Variants in PTPRD observed in about 807,000 individuals in gnomAD.
PTPRD encodes the protein receptor-type tyrosine-protein phosphatase delta.
In PTPRD, 34 loss-of-function variants were observed where a neutral mutation model predicts 214.5. The observed-to-expected ratio is 0.16, with a 90% CI of 0.12 to 0.21. The LOEUF (loss-of-function observed/expected upper bound fraction) is 0.21, where lower values mean the gene tolerates loss of function less well. Among genes scored for constraint, PTPRD ranks in the 10% least tolerant of loss-of-function variants. The pLI, the probability that PTPRD is intolerant of heterozygous loss-of-function variation, is 1.00. For missense variants in PTPRD, 2,545 were observed against 2,398.7 expected, an observed-to-expected ratio of 1.06 and a Z score of -1.27; for synonymous variants, 1,128 against 845.7, an observed-to-expected ratio of 1.33 and a Z score of -5.79.
Position 9,712,857 on chromosome 9 carries a change from G to C in PTPRD, c.-287+21676C>G, listed in dbSNP as rs529083735. ...GAGAAAAAACTATTTTATGGTATTT[G>C]TTTTTAATAGGTTATGTTATTGCTA... On this transcript the variant is annotated intron_variant, in intron 7 of 45. Coordinates refer to ENST00000381196, the MANE Select transcript of PTPRD (RefSeq NM_002839.4). Among the ~76,000 whole-genome samples, 3 of 152,140 alleles carry C rather than the reference G, an allele frequency of 2.0e-5. No homozygotes were observed. In the South Asian group the frequency reaches 6.2e-4, roughly 32 times the overall value.
chr9:8,404,923 C>T (rs1261336259), intron 35 of PTPRD, among the ~76,000 whole-genome samples: 4 of 152,140 alleles, frequency 2.6e-5, no homozygotes, highest in Non-Finnish European at 5.9e-5. Context: ...ATTGGAAAGG[C>T]AGGTTCTTAA....
Position 10,199,548 on chromosome 9 carries a change from G to T in PTPRD, c.-545+141415C>A, listed in dbSNP as rs753550765. On this transcript the variant is annotated intron_variant, in intron 3 of 45. Coordinates refer to ENST00000381196, the MANE Select transcript of PTPRD (RefSeq NM_002839.4). ...ACAGTGAGAACCCCCTGTGTTTCAA[G>T]AAATGGGTGAGGGCTCTGTACAGGT... 5.3e-4 allele frequency among the ~76,000 whole-genome samples: 80 copies of T among 152,150 alleles called. 1 individual carries two copies. Among genetic ancestry groups the T allele is most frequent in the Non-Finnish European group, 2.5e-4 (17 of 67,978 alleles).
intron 6 of PTPRD, among the ~76,000 whole-genome samples, chr9:9,738,026 C>G (rs1200250915): frequency 6.6e-6 from 1 of 151,806 alleles, no homozygotes; most frequent in Non-Finnish European, 1.5e-5. Context: ...ACCGCATGTT[C>G]TCACTCATAG....
chr9:8,684,026 A>G (rs1234538748), intron 12 of PTPRD, among the ~76,000 whole-genome samples: 1 of 152,172 alleles, frequency 6.6e-6, no homozygotes, highest in Non-Finnish European at 1.5e-5. Context: ...TAAGGTCAGA[A>G]GACTCCAGCT....
chr9:8,665,723 C>T (rs1308178403), intron 12 of PTPRD, among the ~76,000 whole-genome samples: 1 of 152,142 alleles, frequency 6.6e-6, no homozygotes, highest in African/African-American at 2.4e-5. Flanking sequence ...CAGAAATGCC[C>T]CTGCATGACA....
At chr9:9,174,047 T>A (rs983905000) in intron 10 of PTPRD, among the ~76,000 whole-genome samples, 1 of 152,188 alleles carries the variant, frequency 6.6e-6, no homozygotes, top group Non-Finnish European at 1.5e-5. Flanking sequence ...GGGAGTTAAG[T>A]ATCTTTAAAA....
intron 10 of PTPRD, among the ~76,000 whole-genome samples, chr9:9,099,447 G>A (rs965375594): frequency 1.3e-5 from 2 of 152,128 alleles, no homozygotes; most frequent in Admixed American, 6.6e-5. Flanking sequence ...TCAGTCTTAG[G>A]ATTTAGAGAT....
chr9:9,887,383 T>C (rs1295870797), intron 5 of PTPRD, among the ~76,000 whole-genome samples: 1 of 152,162 alleles, frequency 6.6e-6, no homozygotes, highest in Non-Finnish European at 1.5e-5. Flanking sequence ...AAGTTTTGTC[T>C]CCTGCAGTGA....
intron 7 of PTPRD, among the ~76,000 whole-genome samples, chr9:9,617,000 G>A (rs977756434): frequency 6.6e-6 from 1 of 152,008 alleles, no homozygotes; most frequent in Non-Finnish European, 1.5e-5. Context: ...ATTCCTTCCT[G>A]TATAAAGCCA....
intron 10 of PTPRD, among the ~76,000 whole-genome samples, chr9:9,064,287 G>A (rs1484012358): frequency 6.6e-6 from 1 of 152,138 alleles, no homozygotes; most frequent in Non-Finnish European, 1.5e-5. Context: ...AAATATGGAT[G>A]TCATCTGCAT....
At chr9:10,414,350 C>T (rs1432699181) in intron 2 of PTPRD, among the ~76,000 whole-genome samples, 3 of 151,992 alleles carry the variant, frequency 2.0e-5, no homozygotes, top group Non-Finnish European at 4.4e-5. Flanking sequence ...CTCAATATTA[C>T]TGATCATTAG....
At chr9:10,009,802 G>T (rs368937059) in intron 4 of PTPRD, among the ~76,000 whole-genome samples, 1 of 151,894 alleles carries the variant, frequency 6.6e-6, no homozygotes, top group South Asian at 2.1e-4. Flanking sequence ...TTCTTTCAGG[G>T]CCTGTAAAGC....
At chr9:10,125,171 A>T (rs1389136109) in intron 3 of PTPRD, among the ~76,000 whole-genome samples, 1 of 152,050 alleles carries the variant, frequency 6.6e-6, no homozygotes, top group Non-Finnish European at 1.5e-5. Context: ...TACAAACTTA[A>T]AGGTGGGAGC....
At chr9:8,875,794 C>T (rs1025022431) in intron 11 of PTPRD, among the ~76,000 whole-genome samples, 3 of 152,078 alleles carry the variant, frequency 2.0e-5, no homozygotes, top group African/African-American at 7.2e-5. Flanking sequence ...GGCTGAAATC[C>T]TGGCTCAGCT....
chr9:9,693,956 C>T (rs374759074), intron 7 of PTPRD, among the ~76,000 whole-genome samples: 14 of 152,274 alleles, frequency 9.2e-5, no homozygotes, highest in South Asian at 6.2e-4. Flanking sequence ...TTTTAAATAT[C>T]TCAATCTCTG....
intron 3 of PTPRD, among the ~76,000 whole-genome samples, chr9:10,141,366 C>A (rs2098983777): frequency 1.3e-5 from 2 of 152,042 alleles, no homozygotes; most frequent in Non-Finnish European, 2.9e-5. Flanking sequence ...TGTCTCAGCC[C>A]AAAATCTCCT....
intron 7 of PTPRD, among the ~76,000 whole-genome samples, chr9:9,710,047 T>TAA (rs770135914): frequency 6.8e-6 from 1 of 147,696 alleles, no homozygotes; most frequent in Non-Finnish European, 1.5e-5. Context: ...TTTGTTTCTT[T>TAA]AAAAAAAAAA....
intron 2 of PTPRD, among the ~76,000 whole-genome samples, chr9:10,420,536 T>A (rs1221834917): frequency 4.6e-5 from 7 of 150,756 alleles, no homozygotes; most frequent in Non-Finnish European, 1.0e-4. Flanking sequence ...TTTTTATTAG[T>A]CCTTTAAGGT....
intron 2 of PTPRD, among the ~76,000 whole-genome samples, chr9:10,505,056 T>C (rs1283469627): frequency 6.6e-6 from 1 of 152,196 alleles, no homozygotes; most frequent in Non-Finnish European, 1.5e-5. Flanking sequence ...GATTCTAGGA[T>C]ACCATCAGAA....
Sources: gnomAD v4.1 joint callset for allele counts (sites outside exome capture counted in the v4.1 genomes callset) on GRCh38, gnomAD v4.1.1 for gene constraint, MANE v1.5 for transcripts, NCBI Gene and HGNC (gene_info 2026-07-23, HGNC 2026-07-21) for gene names.